EPHA3: variants seen among roughly 807,000 people sequenced by gnomAD.
EPHA3 encodes the protein EPH receptor A3.
Under a neutral mutation model 107.1 loss-of-function variants are expected in EPHA3, and 42 were observed. The observed-to-expected ratio is 0.39, with a 90% confidence interval of 0.31 to 0.51. The LOEUF (loss-of-function observed/expected upper bound fraction) is 0.51, where lower values mean the gene tolerates loss of function less well. EPHA3 is among the 20% of genes least tolerant of loss of function. EPHA3 has a pLI of 0.78. For synonymous variants in EPHA3, 461 were observed against 424.8 expected (o/e 1.09, Z -1.05); for missense variants, 1,183 against 1,211.2 (o/e 0.98, Z 0.35).
chr3:89,379,716 C>A (rs148236800), intron 5 of EPHA3, among the ~76,000 whole-genome samples: 1 of 152,292 alleles, frequency 6.6e-6, no homozygotes, highest in East Asian at 1.9e-4. Flanking sequence ...AGAAAGATTT[C>A]ATGGTAATCA....
Position 89,431,710 on chromosome 3 carries a change from C to T in EPHA3, c.2346+351C>T, listed in dbSNP as rs542265441. 5.9e-5 allele frequency among the ~76,000 whole-genome samples: 9 copies of T among 152,024 alleles called. No individual in the cohort carries two copies. In the East Asian group the frequency reaches 1.5e-3, roughly 26 times the overall value. ...TTGGATAAATTCTAAGGACCTTATC[C>T]CAGTACATATCATTTTAAAGCACTT... On this transcript the variant is annotated intron_variant, in intron 13 of 16. Transcript: ENST00000336596.
At chr3:89,183,734 A>G (rs1474204643) in intron 2 of EPHA3, among the ~76,000 whole-genome samples, 1 of 151,944 alleles carries the variant, frequency 6.6e-6, no homozygotes, top group Non-Finnish European at 1.5e-5. Flanking sequence ...GAAATCTAGA[A>G]TTTTATAACT....
At chr3:89,307,535 A>G (rs1424901140) in intron 3 of EPHA3, among the ~76,000 whole-genome samples, 1 of 152,174 alleles carries the variant, frequency 6.6e-6, no homozygotes, top group Non-Finnish European at 1.5e-5. Flanking sequence ...GAATAGTAAC[A>G]GTGCTAATGT....
At chr3:89,193,642 C>G (rs1158286303) in intron 2 of EPHA3, among the ~76,000 whole-genome samples, 2 of 151,896 alleles carry the variant, frequency 1.3e-5, no homozygotes, top group Non-Finnish European at 2.9e-5. Context: ...ACTCATTACC[C>G]TGATCTGTTC....
chr3:89,317,033 C>T (rs1178010347), intron 3 of EPHA3, among the ~76,000 whole-genome samples: 1 of 151,722 alleles, frequency 6.6e-6, no homozygotes, highest in Non-Finnish European at 1.5e-5. Context: ...GTACCATATC[C>T]ATCCTACTGC....
At chr3:89,202,924 T>A (rs1305609100) in intron 2 of EPHA3, among the ~76,000 whole-genome samples, 1 of 152,326 alleles carries the variant, frequency 6.6e-6, no homozygotes, top group East Asian at 1.9e-4. Context: ...TATAATATCT[T>A]ATCATTCCTT....
chr3:89,419,098 G>T, intron 10 of EPHA3, 107 bp from the exon 11 acceptor site: 3 of 1,193,854 alleles, frequency 2.5e-6, no homozygotes, highest in South Asian at 3.3e-5. Flanking sequence ...GCAGGTCAAA[G>T]GCACAAATAT....
chr3:89,119,064 A>C (rs1707319407), intron 1 of EPHA3, among the ~76,000 whole-genome samples: 1 of 152,062 alleles, frequency 6.6e-6, no homozygotes, highest in Non-Finnish European at 1.5e-5. Flanking sequence ...TTTAACCCAG[A>C]TTTATTTTTA....
chr3:89,472,288 C>T (rs374168472), intron 15 of EPHA3, among the ~76,000 whole-genome samples, 176 bp from the exon 16 acceptor site: 16 of 152,194 alleles, frequency 1.1e-4, no homozygotes, highest in Non-Finnish European at 2.4e-4. Context: ...GATTACACGG[C>T]GTTCCTCCAA....
chr3:89,477,543 C>G (rs367647091), intron 16 of EPHA3, among the ~76,000 whole-genome samples: 2 of 151,998 alleles, frequency 1.3e-5, no homozygotes, highest in African/African-American at 4.8e-5. Context: ...TCGATTAATC[C>G]ATTTCTGTGT....
Position 89,384,284 on chromosome 3 carries a change from T to C in EPHA3, c.1307-11553T>C, listed in dbSNP as rs558934779. Among the ~76,000 whole-genome samples, 7 of 152,150 alleles carry C rather than the reference T, an allele frequency of 4.6e-5. No homozygotes were observed. The South Asian group carries it at 8.3e-4, about 18-fold the overall frequency. On this transcript the variant is annotated intron_variant, in intron 5 of 16. Transcript: ENST00000336596. Reference sequence around the variant, plus strand: ...ATTGCCTAAAGCAATCCTGCATTGGTTGGGGACTCGGGCTATTAAAATTCC... The same window carrying C: ...ATTGCCTAAAGCAATCCTGCATTGGCTGGGGACTCGGGCTATTAAAATTCC...
At chr3:89,338,674 G>A (rs1441998883) in intron 3 of EPHA3, among the ~76,000 whole-genome samples, 5 of 152,122 alleles carry the variant, frequency 3.3e-5, no homozygotes, top group African/African-American at 9.7e-5. Flanking sequence ...TCAGCCTCCC[G>A]AGTAGCTGGG....
chr3:89,480,303 A>G lies in EPHA3; in HGVS notation c.*801A>G, dbSNP rs969557784. On this transcript the variant is annotated 3_prime_UTR_variant, in exon 17 of 17. Transcript: ENST00000336596. ...GATTTTTTGAACCATCCACTTACAT[A>G]TATTTTTAAAAAATGAAATCCTTTT... 4.3e-6 allele frequency: 1 copy of G among 232,980 alleles called. No individual in the cohort carries two copies. The highest frequency in any genetic ancestry group is 2.2e-5 in the African/African-American group (1 of 45,340). 14.4% of individuals were successfully genotyped at this position (232,980 alleles called of 1,614,324 possible).
At chr3:89,431,024 T>A in intron 12 of EPHA3, 126 bp from the exon 13 acceptor site, 1 of 864,004 alleles carries the variant, frequency 1.2e-6, no homozygotes, top group Non-Finnish European at 1.7e-6. Flanking sequence ...TTGTCTTGAG[T>A]GCTTAGGACT....
In EPHA3 at chr3:89,479,400, C is replaced by G. The variant is rs1471077698; in HGVS notation, c.2850C>G (p.Asp950Glu). 1 of 1,613,048 alleles carries G rather than the reference C, an allele frequency of 6.2e-7. No individual in the cohort carries two copies. ...CDTIAKISTD[D>E]MKKVGVTVVG... ...ATATTGTTTTCTTTTTTTACAGTGA[C>G]ATGAAAAAGGTTGGTGTCACCGTGG... The change falls in exon 17 of 17, where the codon GAC becomes GAG. Residue 950 changes from aspartate (D) to glutamate (E), a missense_variant. Physicochemically the swap from Asp to Glu is conservative, Grantham distance 45. Transcript: ENST00000336596.
At chr3:89,277,012 C>T (rs1705822865) in intron 3 of EPHA3, among the ~76,000 whole-genome samples, 1 of 152,056 alleles carries the variant, frequency 6.6e-6, no homozygotes, top group Non-Finnish European at 1.5e-5. Context: ...TATGAAACAG[C>T]ATTGCCTCTC....
intron 8 of EPHA3, among the ~76,000 whole-genome samples, chr3:89,407,802 TC>T (rs1709083170): frequency 6.6e-6 from 1 of 152,054 alleles, no homozygotes; most frequent in East Asian, 1.9e-4. Flanking sequence ...ATAAACACAT[TC>T]TAAAGCCATT....
chr3:89,326,877 G>A lies in EPHA3; in HGVS notation c.815-14039G>A, dbSNP rs557905481. 8.5e-5 allele frequency among the ~76,000 whole-genome samples: 13 copies of A among 152,104 alleles called. No homozygotes were observed. The South Asian group carries it at 2.5e-3, about 29-fold the overall frequency. On this transcript the variant is annotated intron_variant, in intron 3 of 16. Transcript: ENST00000336596. ...TCGGAAGCTTCTTGATGGATTCATA[G>A]CATGAGACTGATTATTTAAAGGGAA...
chr3:89,156,427 ATTGT>A (rs1704807919), intron 2 of EPHA3, among the ~76,000 whole-genome samples: 1 of 152,018 alleles, frequency 6.6e-6, no homozygotes, highest in African/African-American at 2.4e-5. Context: ...TCTGCAATAA[ATTGT>A]TTATTTTTTA....
Sources: gnomAD v4.1 joint callset for allele counts (sites outside exome capture counted in the v4.1 genomes callset) on GRCh38, gnomAD v4.1.1 for gene constraint, MANE v1.5 for transcripts, NCBI Gene and HGNC (gene_info 2026-07-23, HGNC 2026-07-21) for gene names.